The following CARNMT1 variants were observed in gnomAD, a reference collection of about 807,000 sequenced individuals.
The protein encoded by CARNMT1 is protein-L-histidine N-pros-methyltransferase CARNMT1.
A neutral mutation model predicts 49.6 loss-of-function variants in CARNMT1; 28 were observed. That is an observed-to-expected ratio of 0.56 (90% CI 0.42 to 0.77). CARNMT1 has a LOEUF of 0.77. Ranked by LOEUF, CARNMT1 falls within the 30% of genes least tolerant of loss-of-function variation. The probability of loss-of-function intolerance (pLI) is 0.00; values close to 1 mark genes in which losing one functional copy is unlikely to be tolerated. For synonymous variants in CARNMT1, 178 were observed against 175.0 expected, an observed-to-expected ratio of 1.02 and a Z score of -0.13; for missense variants, 421 against 512.6, an observed-to-expected ratio of 0.82 and a Z score of 1.73.
intron 1 of CARNMT1, among the ~76,000 whole-genome samples, chr9:75,024,975 A>G (rs1822482228): frequency 6.6e-6 from 1 of 152,260 alleles, no homozygotes; most frequent in Non-Finnish European, 1.5e-5. Context: ...CTAAGAAAAT[A>G]TTAAGAAAGT....
intron 1 of CARNMT1, among the ~76,000 whole-genome samples, chr9:75,026,682 T>C (rs755560372): frequency 6.6e-6 from 1 of 152,214 alleles, no homozygotes; most frequent in Non-Finnish European, 1.5e-5. Flanking sequence ...AGTAAATTAT[T>C]TCATCAAGAT....
At chr9:75,014,041 AC>A (rs1304018195) in intron 3 of CARNMT1, among the ~76,000 whole-genome samples, 40 of 126,774 alleles carry the variant, frequency 3.2e-4, no homozygotes, top group East Asian at 2.7e-3. Context: ...AAAAAAAAAA[AC>A]CCCAAGAATA....
At chr9:75,012,546 G>C (rs745665756) in intron 3 of CARNMT1, among the ~76,000 whole-genome samples, 1 of 151,988 alleles carries the variant, frequency 6.6e-6, no homozygotes, top group Non-Finnish European at 1.5e-5. Flanking sequence ...CTCAGCCTAA[G>C]TGCTGGGATT....
intron 1 of CARNMT1, among the ~76,000 whole-genome samples, chr9:75,024,957 C>A (rs1822481983): frequency 6.6e-6 from 1 of 152,072 alleles, no homozygotes; most frequent in Admixed American, 6.6e-5. Context: ...TATATTCTTA[C>A]AATAAAGCTA....
intron 5 of CARNMT1, among the ~76,000 whole-genome samples, chr9:74,998,371 T>C (rs1300939384): frequency 6.6e-6 from 1 of 152,222 alleles, no homozygotes; most frequent in Non-Finnish European, 1.5e-5. Context: ...TATCTCTTAG[T>C]ATTAATGGGC....
At chr9:75,027,948 C>A in intron 1 of CARNMT1, 64 bp downstream of exon 1, 1 of 1,470,376 alleles carries the variant, frequency 6.8e-7, no homozygotes, top group Non-Finnish European at 9.0e-7. Context: ...CCCGTTCCGG[C>A]GGGTCCGCCG....
At chr9:75,018,739 G>A (rs1833920637) in intron 1 of CARNMT1, among the ~76,000 whole-genome samples, 1 of 152,140 alleles carries the variant, frequency 6.6e-6, no homozygotes, top group Non-Finnish European at 1.5e-5. Context: ...AGGCCAATGT[G>A]GGCGGATCAC....
chr9:75,016,953 T>C, intron 2 of CARNMT1: 1 of 403,208 alleles, frequency 2.5e-6, no homozygotes, highest in Non-Finnish European at 4.4e-6. Flanking sequence ...AATTAATTTC[T>C]AGCTAGTAAA....
intron 6 of CARNMT1, among the ~76,000 whole-genome samples, chr9:74,989,583 C>T (rs1832955241): frequency 6.6e-6 from 1 of 152,110 alleles, no homozygotes; most frequent in Non-Finnish European, 1.5e-5. Context: ...AAATTATAAT[C>T]CCACATGGAG....
intron 2 of CARNMT1, 86 bp from the exon 3 acceptor site, chr9:75,016,517 A>G: frequency 7.6e-7 from 1 of 1,311,418 alleles, no homozygotes; most frequent in South Asian, 1.4e-5. Flanking sequence ...AAGGGGCTAT[A>G]TAGGTGGTTT....
intron 6 of CARNMT1, among the ~76,000 whole-genome samples, chr9:74,987,120 C>T (rs974270576): frequency 6.6e-6 from 1 of 152,028 alleles, no homozygotes; most frequent in Non-Finnish European, 1.5e-5. Flanking sequence ...AAATGCTTTC[C>T]CAAAGAGTTA....
At position 74,993,812 on chromosome 9, in the gene CARNMT1, A is replaced by G. The variant is rs1833105259; in HGVS notation, c.1024+2635T>C. On this transcript the variant is annotated intron_variant, in intron 6 of 7. Transcript: ENST00000376834. Reference sequence around the variant, plus strand: ...TCCCACTGAAGAATGATCCAGCCCAAATGTCAAAACCACAATCGAGAAACC... The same window carrying G: ...TCCCACTGAAGAATGATCCAGCCCAGATGTCAAAACCACAATCGAGAAACC... Among the ~76,000 whole-genome samples the G allele has an allele frequency of 2.0e-5, 3 of 152,136 alleles. No homozygotes were observed. The South Asian group carries it at 6.2e-4, about 32-fold the overall frequency.
At chr9:75,016,754 T>C (rs1191446072) in intron 2 of CARNMT1, 3 of 276,810 alleles carry the variant, frequency 1.1e-5, no homozygotes, top group Non-Finnish European at 1.3e-5. Flanking sequence ...TCCAGGTCAT[T>C]GATGGGGCAG....
In CARNMT1 at chr9:75,018,880, T is replaced by C. The variant is rs1379754617; in HGVS notation, c.231-1432A>G. Among the ~76,000 whole-genome samples, 4 of 149,676 alleles carry C rather than the reference T, an allele frequency of 2.7e-5. No homozygotes were observed. In the South Asian group the frequency reaches 6.3e-4, roughly 23 times the overall value. On this transcript the variant is annotated intron_variant, in intron 1 of 7. Transcript: ENST00000376834. ...TACTTGGAAGGCTGAGGCAGGAGAA[T>C]CGCTTGAACGCGGGAGGCAGAGGCT...
chr9:75,016,125 A>G (rs1022591760), intron 3 of CARNMT1, 143 bp downstream of exon 3: 5 of 595,274 alleles, frequency 8.4e-6, no homozygotes, highest in African/African-American at 7.5e-5. Context: ...AGAGCATCCA[A>G]TAACAAATGT....
In CARNMT1 at chr9:74,992,586, T is replaced by TTC. The variant is rs564813507; in HGVS notation, c.1024+3859_1024+3860dup. On this transcript the variant is annotated intron_variant, in intron 6 of 7. Transcript: ENST00000376834. Reference sequence around the variant, plus strand: ...AACTGAAAAAGGGAATTCACAGGCATTCTTTTGTTCTTTGCCAAAATCATA... The same window carrying TTC: ...AACTGAAAAAGGGAATTCACAGGCATTCTCTTTTGTTCTTTGCCAAAATCATA... 3.1e-3 allele frequency among the ~76,000 whole-genome samples: 475 copies of TTC among 152,306 alleles called. 2 individuals are homozygous for TTC. The highest frequency in any genetic ancestry group is 0.011 in the African/African-American group (450 of 41,568).
At chr9:74,998,209 A>G (rs1472348063) in intron 5 of CARNMT1, among the ~76,000 whole-genome samples, 3 of 152,196 alleles carry the variant, frequency 2.0e-5, no homozygotes, top group Non-Finnish European at 4.4e-5. Flanking sequence ...GCCATCCCCA[A>G]TCACCTTGTT....
chr9:74,981,597 T>C lies in CARNMT1; in HGVS notation c.*2170A>G, dbSNP rs2118735404. 2 of 152,216 alleles carry C rather than the reference T, an allele frequency of 1.3e-5. 1 individual carries two copies. Among genetic ancestry groups the C allele is most frequent in the South Asian group, 4.1e-4 (2 of 4,828 alleles). 9.4% of individuals were successfully genotyped at this position (152,216 alleles called of 1,614,324 possible). ...AATATTCATGATATGAGGGATAAATTAACAAATGAAGTAACTGATTTCAGA... is the reference window on the plus strand; with the variant it reads ...AATATTCATGATATGAGGGATAAATCAACAAATGAAGTAACTGATTTCAGA... On this transcript the variant is annotated 3_prime_UTR_variant, in exon 8 of 8. Transcript: ENST00000376834.
intron 1 of CARNMT1, chr9:75,026,999 TA>T: frequency 1.0e-6 from 1 of 965,770 alleles, no homozygotes; most frequent in Non-Finnish European, 1.5e-6. Flanking sequence ...ATGAACAATA[TA>T]AAAAAACTTT....
Sources: gnomAD v4.1 joint callset for allele counts (sites outside exome capture counted in the v4.1 genomes callset) on GRCh38, gnomAD v4.1.1 for gene constraint, MANE v1.5 for transcripts, NCBI Gene and HGNC (gene_info 2026-07-23, HGNC 2026-07-21) for gene names.